The following KCNH7 variants were observed in gnomAD, a reference collection of about 807,000 sequenced individuals.
The protein encoded by KCNH7 is voltage-gated inwardly rectifying potassium channel KCNH7.
KCNH7 carries 49 observed loss-of-function variants against 120.8 expected under a neutral mutation model. The observed-to-expected ratio is 0.41, with a 90% CI of 0.32 to 0.51. KCNH7 has a LOEUF of 0.51. Among genes scored for constraint, KCNH7 ranks in the 20% least tolerant of loss-of-function variants. The pLI is 0.38. For synonymous variants in KCNH7, 547 were observed against 516.1 expected, an observed-to-expected ratio of 1.06 and a Z score of -0.81; for missense variants, 1,097 against 1,446.6, an observed-to-expected ratio of 0.76 and a Z score of 3.92.
chr2:162,778,118 A>C (rs2105486870), intron 2 of KCNH7, among the ~76,000 whole-genome samples: 1 of 152,278 alleles, frequency 6.6e-6, no homozygotes, highest in South Asian at 2.1e-4. Flanking sequence ...GCTTTGTAGA[A>C]AAAATTGTCT....
At chr2:162,506,089 T>TGCATTTCTGTTGACTCCCTGAGTC (rs1690871653) in intron 5 of KCNH7, among the ~76,000 whole-genome samples, 1 of 151,940 alleles carries the variant, frequency 6.6e-6, no homozygotes, top group Non-Finnish European at 1.5e-5. Flanking sequence ...TTTCTTGAGT[T>TGCATTTCTGTTGACTCCCTGAGTC]GCATTTCTGT....
intron 8 of KCNH7, among the ~76,000 whole-genome samples, chr2:162,431,797 A>G (rs1688078661): frequency 2.0e-5 from 3 of 151,910 alleles, no homozygotes; most frequent in Non-Finnish European, 4.4e-5. Context: ...GTCTAGTGCT[A>G]TATTTAAAAG....
intron 2 of KCNH7, among the ~76,000 whole-genome samples, chr2:162,707,200 A>G (rs1486874166): frequency 6.6e-6 from 1 of 152,148 alleles, no homozygotes; most frequent in African/African-American, 2.4e-5. Context: ...AAAAAATCTT[A>G]GCTATAAATT....
At chr2:162,800,941 T>C (rs1252814299) in intron 2 of KCNH7, among the ~76,000 whole-genome samples, 1 of 151,836 alleles carries the variant, frequency 6.6e-6, no homozygotes, top group African/African-American at 2.4e-5. Context: ...TGATGGTAGT[T>C]ATCAGAAATC....
intron 3 of KCNH7, 87 bp downstream of exon 3, chr2:162,536,838 A>G: frequency 8.5e-7 from 1 of 1,177,678 alleles, no homozygotes; most frequent in Non-Finnish European, 1.2e-6. Context: ...AGATATTTTG[A>G]GAACTGAATT....
chr2:162,626,268 C>A (rs1683554953), intron 2 of KCNH7, among the ~76,000 whole-genome samples: 2 of 152,088 alleles, frequency 1.3e-5, no homozygotes, highest in African/African-American at 4.8e-5. Context: ...AGAATACCTA[C>A]TGAAAGCTGG....
rs146751385 is a variant in KCNH7 at position 162,578,028 on chromosome 2, T to C, written c.308-40948A>G. Among the ~76,000 whole-genome samples the C allele has an allele frequency of 5.2e-3, 791 of 152,174 alleles. 11 individuals carry two copies. The highest frequency in any genetic ancestry group is 0.018 in the African/African-American group (753 of 41,556). On this transcript the variant is annotated intron_variant, in intron 2 of 15. Transcript: ENST00000332142. ...CTGAGCTGAGATGTAATTCTGAGTATGCCTAATTCCAAAATCCATGATCCT... is the reference window on the plus strand; with the variant it reads ...CTGAGCTGAGATGTAATTCTGAGTACGCCTAATTCCAAAATCCATGATCCT...
At chr2:162,372,249 A>G (rs182332998) in intron 15 of KCNH7, among the ~76,000 whole-genome samples, 154 bp from the exon 16 acceptor site, 39 of 152,214 alleles carry the variant, frequency 2.6e-4, no homozygotes, top group Non-Finnish European at 4.0e-4. Flanking sequence ...ATGAGTCAGG[A>G]CGTCGGAGAT....
At chr2:162,642,391 T>C (rs1684191693) in intron 2 of KCNH7, among the ~76,000 whole-genome samples, 1 of 152,224 alleles carries the variant, frequency 6.6e-6, no homozygotes, top group East Asian at 1.9e-4. Context: ...TGTACAGCCC[T>C]TAAGTTAATT....
intron 2 of KCNH7, among the ~76,000 whole-genome samples, chr2:162,644,469 G>C (rs78101700): frequency 0.022 from 3,403 of 152,130 alleles, 120 homozygotes; most frequent in East Asian, 0.18. Flanking sequence ...AATTCTTTCT[G>C]TCCAAAATGG....
chr2:162,406,435 G>A (rs1458884531), intron 9 of KCNH7, among the ~76,000 whole-genome samples: 3 of 151,950 alleles, frequency 2.0e-5, no homozygotes, highest in African/African-American at 4.8e-5. Context: ...CATTTAGGAA[G>A]TCTGAGTGTG....
At chr2:162,643,865 A>G (rs1684256445) in intron 2 of KCNH7, among the ~76,000 whole-genome samples, 1 of 151,750 alleles carries the variant, frequency 6.6e-6, no homozygotes, top group Non-Finnish European at 1.5e-5. Context: ...AATTGAGCAG[A>G]CTGATATATT....
intron 6 of KCNH7, among the ~76,000 whole-genome samples, chr2:162,487,085 T>A (rs1690121192): frequency 1.3e-5 from 2 of 152,176 alleles, no homozygotes; most frequent in Admixed American, 6.5e-5. Flanking sequence ...AATATGACAG[T>A]AGCTGCCCTC....
intron 2 of KCNH7, among the ~76,000 whole-genome samples, chr2:162,643,804 CAAAAAAAA>C (rs781089376): frequency 4.4e-5 from 4 of 90,436 alleles, no homozygotes; most frequent in African/African-American, 1.9e-4. Context: ...GACTCTATCT[CAAAAAAAA>C]AAAAAAAAAA....
chr2:162,659,248 T>G (rs1247051415), intron 2 of KCNH7, among the ~76,000 whole-genome samples: 1 of 152,202 alleles, frequency 6.6e-6, no homozygotes, highest in Non-Finnish European at 1.5e-5. Context: ...TTTAGCTTGT[T>G]GATGTGATGG....
intron 7 of KCNH7, among the ~76,000 whole-genome samples, chr2:162,438,177 G>T (rs1688312603): frequency 6.6e-6 from 1 of 152,086 alleles, no homozygotes; most frequent in African/African-American, 2.4e-5. Flanking sequence ...TAAAATAAAT[G>T]AGCTGTTTTT....
chr2:162,504,735 T>C, intron 5 of KCNH7, 78 bp from the exon 6 acceptor site: 1 of 880,894 alleles, frequency 1.1e-6, no homozygotes, highest in Non-Finnish European at 1.8e-6. Context: ...GCCCTGCTAA[T>C]GATTCCTGAC....
At chr2:162,767,407 C>A (rs1682862169) in intron 2 of KCNH7, among the ~76,000 whole-genome samples, 1 of 152,116 alleles carries the variant, frequency 6.6e-6, no homozygotes, top group South Asian at 2.1e-4. Flanking sequence ...TCCTTATCAA[C>A]ACCAAATATA....
chr2:162,383,543 A>G lies in KCNH7; in HGVS notation c.2962+1145T>C, dbSNP rs1174501123. On this transcript the variant is annotated intron_variant, in intron 13 of 15. Transcript: ENST00000332142. ...TATAAAGCCTAAGTATCCTAGATTT[A>G]ATAAAACCTTTGTAGCTGAATATGG... 2.6e-5 allele frequency among the ~76,000 whole-genome samples: 4 copies of G among 152,100 alleles called. No individual in the cohort carries two copies. The East Asian group carries it at 7.8e-4, about 30-fold the overall frequency.
Sources: allele counts gnomAD v4.1 joint callset (sites outside exome capture counted in the v4.1 genomes callset), GRCh38; gene constraint gnomAD v4.1.1; transcripts MANE v1.5; gene names NCBI Gene and HGNC (gene_info 2026-07-23, HGNC 2026-07-21).